NPTX2: variants seen among roughly 807,000 people sequenced by gnomAD.
NPTX2 encodes the protein neuronal pentraxin-2.
In NPTX2, 23 loss-of-function variants were observed where a neutral mutation model predicts 38.1. That is an observed-to-expected ratio of 0.60 (90% CI 0.43 to 0.85). The LOEUF is 0.85. Among genes scored for constraint, NPTX2 ranks in the 40% least tolerant of loss-of-function variants. NPTX2 has a pLI of 0.00. For synonymous variants in NPTX2, 291 were observed against 287.3 expected, an observed-to-expected ratio of 1.01 and a Z score of -0.13; for missense variants, 553 against 615.3, an observed-to-expected ratio of 0.90 and a Z score of 1.07.
intron 3 of NPTX2, among the ~76,000 whole-genome samples, chr7:98,625,624 A>C (rs1791335840): frequency 6.6e-6 from 1 of 152,172 alleles, no homozygotes; most frequent in South Asian, 2.1e-4. Flanking sequence ...TTAATGTACA[A>C]TTCAGGAAGT....
chr7:98,628,116 G>A (rs756540064), intron 4 of NPTX2, among the ~76,000 whole-genome samples: 3 of 152,092 alleles, frequency 2.0e-5, no homozygotes, highest in Admixed American at 6.5e-5. Context: ...CTACATCTCC[G>A]CTGGGAGGGG....
rs1376248081 is a variant in NPTX2 at position 98,617,795 on chromosome 7, A to G, written c.334A>G (p.Thr112Ala). Reference sequence around the variant, plus strand: ...CGGCGCGGGGGCCACGGGCAAGGACACTATGGGCGACCTGCCGCGGGACCC... The same window carrying G: ...CGGCGCGGGGGCCACGGGCAAGGACGCTATGGGCGACCTGCCGCGGGACCC... ...ARGAGATGKD[T>A]MGDLPRDPGH... is the part of the protein sequence containing the mutation. Residue 112 changes from threonine to alanine, a missense_variant, in exon 1 of 5, where the codon ACT (threonine) becomes GCT (alanine). Thr to Ala is a moderately conservative substitution (Grantham distance 58, BLOSUM62 0). Transcript: ENST00000265634. 1 of 1,525,468 alleles carries G rather than the reference A, an allele frequency of 6.6e-7. No individual in the cohort carries two copies. Among genetic ancestry groups the G allele is most frequent in the Non-Finnish European group, 8.7e-7 (1 of 1,143,814 alleles). 94.5% of individuals were successfully genotyped at this position (1,525,468 alleles called of 1,614,324 possible). A position where few individuals can be genotyped will look rare whatever the true frequency, so the allele number is the denominator to read the frequency against.
Position 98,617,586 on chromosome 7 carries a change from C to A in NPTX2, c.125C>A (p.Pro42Gln). The change falls in exon 1 of 5, where the codon CCG (proline) becomes CAG (glutamine). Residue 42 changes from proline (P) to glutamine (Q), a missense_variant. Physicochemically the swap from Pro to Gln is moderately conservative, Grantham distance 76. Transcript: ENST00000265634. ...CCAGAGGCGGTGCACGCCGGCTGCC[C>A]GCTGCCCGCGATGCCCATGCAGGGC... is the stretch of plus-strand genomic sequence containing the variant. ...LPPEAVHAGC[P>Q]LPAMPMQGGA... is the part of the protein sequence containing the mutation. The A allele has an allele frequency of 6.7e-7, 1 of 1,483,648 alleles. No homozygotes were observed. The allele number at this position is 1,483,648 out of a possible 1,614,324, so 91.9% of individuals were successfully genotyped here. A position where few individuals can be genotyped will look rare whatever the true frequency, so the allele number is the denominator to read the frequency against.
intron 2 of NPTX2, among the ~76,000 whole-genome samples, chr7:98,620,597 A>C (rs1562849529): frequency 6.6e-6 from 1 of 152,056 alleles, no homozygotes. Context: ...TAGATTCTTG[A>C]GTTTCCAAAA....
rs115723379 is a variant in NPTX2, at chr7:98,627,372, A to G, written c.1068+28A>G. 5,542 of 1,603,096 alleles carry G rather than the reference A, an allele frequency of 3.5e-3. 133 individuals carry two copies. In the African/African-American group the frequency reaches 0.056, roughly 16 times the overall value. On this transcript the variant is annotated intron_variant, in intron 4 of 4. Coordinates refer to ENST00000265634, the MANE Select transcript of NPTX2 (RefSeq NM_002523.3). Reference sequence around the variant, plus strand: ...GGGTGCAGGGCAGGTGCAGGTGGGCACAGGGTGGGTGCAGGATGGGCACAG... The same window carrying G: ...GGGTGCAGGGCAGGTGCAGGTGGGCGCAGGGTGGGTGCAGGATGGGCACAG...
intron 2 of NPTX2, among the ~76,000 whole-genome samples, chr7:98,621,941 C>T (rs1479056788): frequency 1.3e-5 from 2 of 152,204 alleles, no homozygotes; most frequent in African/African-American, 4.8e-5. Context: ...AGCCCTGCTG[C>T]GTCGGAGGCT....
Position 98,628,708 on chromosome 7 carries a change from C to T in NPTX2, c.*79C>T. 3.1e-6 allele frequency: 2 copies of T among 653,610 alleles called. No homozygotes were observed. The highest frequency in any genetic ancestry group is 5.3e-6 in the Non-Finnish European group (2 of 379,382). The allele number at this position is 653,610 out of a possible 1,614,324, so 40.5% of individuals were successfully genotyped here. A position where few individuals can be genotyped will look rare whatever the true frequency, so the allele number is the denominator to read the frequency against. On this transcript the variant is annotated 3_prime_UTR_variant, in exon 5 of 5. Transcript: ENST00000265634. The stretch of plus-strand genomic sequence containing the variant: ...AGGGCCATAGACTGCCCCACTTAAA[C>T]TCTTGTCAGTCTGGGCTCAGGGTTC...
chr7:98,620,846 G>A (rs1341539088), intron 2 of NPTX2, among the ~76,000 whole-genome samples: 2 of 152,178 alleles, frequency 1.3e-5, no homozygotes, highest in Admixed American at 1.3e-4. Context: ...AACGAGAGGA[G>A]GGCTCCATGA....
chr7:98,621,585 T>C (rs1164576105), intron 2 of NPTX2, among the ~76,000 whole-genome samples: 4 of 152,214 alleles, frequency 2.6e-5, no homozygotes, highest in African/African-American at 9.6e-5. Flanking sequence ...ACATGTACTA[T>C]GATTGGAAAC....
Position 98,628,708 on chromosome 7 carries a change from C to A in NPTX2, c.*79C>A. 1.5e-6 allele frequency: 1 copy of A among 653,610 alleles called. No individual in the cohort carries two copies. Among genetic ancestry groups the A allele is most frequent in the South Asian group, 2.2e-5 (1 of 46,334 alleles). The allele number at this position is 653,610 out of a possible 1,614,324, so 40.5% of individuals were successfully genotyped here. ...AGGGCCATAGACTGCCCCACTTAAA[C>A]TCTTGTCAGTCTGGGCTCAGGGTTC... On this transcript the variant is annotated 3_prime_UTR_variant, in exon 5 of 5. Coordinates refer to ENST00000265634, the MANE Select transcript of NPTX2 (RefSeq NM_002523.3).
At position 98,619,845 on chromosome 7, in the gene NPTX2, C is replaced by G. The variant is rs770355969; in HGVS notation, c.629C>G (p.Thr210Ser). The G allele has an allele frequency of 3.7e-6, 6 of 1,613,714 alleles. No individual in the cohort carries two copies. The highest frequency in any genetic ancestry group is 5.1e-6 in the Non-Finnish European group (6 of 1,180,004). ...CTGAACGCGCTGCTGCAGAGGGTCACCGAGCTGGAGCGAGGTGTGTGCCTG... is the reference window on the plus strand; with the variant it reads ...CTGAACGCGCTGCTGCAGAGGGTCAGCGAGCTGGAGCGAGGTGTGTGCCTG... Reference protein sequence around the residue: ...STLNALLQRVTELERGNSAFK... With the variant: ...STLNALLQRVSELERGNSAFK... Residue 210 changes from threonine (T) to serine (S), a missense_variant, in exon 2 of 5, where the codon ACC (threonine) becomes AGC (serine). Transcript: ENST00000265634.
At chr7:98,624,394 A>G (rs1791312513) in intron 2 of NPTX2, among the ~76,000 whole-genome samples, 1 of 152,118 alleles carries the variant, frequency 6.6e-6, no homozygotes, top group South Asian at 2.1e-4. Flanking sequence ...CACCCATCCA[A>G]GAGCTTTTTT....
rs2115640283 is a variant in NPTX2, at chr7:98,628,978, C to T, written c.*349C>T. 4.7e-6 allele frequency: 1 copy of T among 211,028 alleles called. No homozygotes were observed. The highest frequency in any genetic ancestry group is 2.3e-5 in the African/African-American group (1 of 44,212). The allele number at this position is 211,028 out of a possible 1,614,324, so 13.1% of individuals were successfully genotyped here. ...ATCGCAGCCTGAGTCCTGCCGCCTT[C>T]CAGTTCCTTGGTGTCCCGTGCACCC... On this transcript the variant is annotated 3_prime_UTR_variant, in exon 5 of 5. Coordinates refer to ENST00000265634, the MANE Select transcript of NPTX2 (RefSeq NM_002523.3).
rs534108400 is a variant in NPTX2, at chr7:98,624,990, G to T, written c.712G>T (p.Gly238Cys). The T allele has an allele frequency of 6.2e-7, 1 of 1,613,918 alleles. No individual in the cohort carries two copies. The highest frequency in any genetic ancestry group is 2.2e-5 in the East Asian group (1 of 44,870). Reference protein sequence around the residue: ...SLPLRTNYLYGKIKKTLPELY... With the variant: ...SLPLRTNYLYCKIKKTLPELY... ...CCCACTCCGCACAAACTACCTATACGGCAAGATCAAGAAGACGCTGCCTGA... is the reference window on the plus strand; with the variant it reads ...CCCACTCCGCACAAACTACCTATACTGCAAGATCAAGAAGACGCTGCCTGA... Residue 238 changes from glycine to cysteine, a missense_variant, in exon 3 of 5, where the codon GGC (glycine) becomes TGC (cysteine). Physicochemically the swap from Gly to Cys is radical, Grantham distance 159 (BLOSUM62 -3). Coordinates refer to ENST00000265634, the MANE Select transcript of NPTX2 (RefSeq NM_002523.3).
rs1451112166 is a variant in NPTX2, at chr7:98,628,719, C to G, written c.*90C>G. On this transcript the variant is annotated 3_prime_UTR_variant, in exon 5 of 5. Transcript: ENST00000265634. ...CTGCCCCACTTAAACTCTTGTCAGTCTGGGCTCAGGGTTCCCAGAGCTCAT... is the reference window on the plus strand; with the variant it reads ...CTGCCCCACTTAAACTCTTGTCAGTGTGGGCTCAGGGTTCCCAGAGCTCAT... 3.2e-6 allele frequency: 2 copies of G among 627,740 alleles called. No individual in the cohort carries two copies. Among genetic ancestry groups the G allele is most frequent in the Non-Finnish European group, 5.6e-6 (2 of 359,302 alleles). The allele number at this position is 627,740 out of a possible 1,614,324, so 38.9% of individuals were successfully genotyped here. A position where few individuals can be genotyped will look rare whatever the true frequency, so the allele number is the denominator to read the frequency against.
rs574102944 is a variant in NPTX2 at position 98,617,537 on chromosome 7, C to A, written c.76C>A (p.Arg26Ser). 1.1e-5 allele frequency: 15 copies of A among 1,426,894 alleles called. No individual in the cohort carries two copies. In the South Asian group the frequency reaches 2.1e-4, roughly 20 times the overall value. 88.4% of individuals were successfully genotyped at this position (1,426,894 alleles called of 1,614,324 possible). The stretch of plus-strand genomic sequence containing the variant: ...CCAGGACAGCCCGGCGCCCGGTAGC[C>A]GCTTCGTGTGCACGGCACTGCCCCC... ...GAQDSPAPGS[R>S]FVCTALPPEA... Residue 26 changes from arginine (R) to serine (S), a missense_variant, in exon 1 of 5, where the codon CGC becomes AGC. By Grantham distance (110) the Arg-to-Ser change is moderately radical. Coordinates refer to ENST00000265634, the MANE Select transcript of NPTX2 (RefSeq NM_002523.3).
chr7:98,617,427 G>A lies in NPTX2; in HGVS notation c.-35G>A. Reference sequence around the variant, plus strand: ...CGGAGCGCCCCGACGGCGCCCGCTCGCCCATGCCGAGCTGAGCGCGGCAGC... The same window carrying A: ...CGGAGCGCCCCGACGGCGCCCGCTCACCCATGCCGAGCTGAGCGCGGCAGC... On this transcript the variant is annotated 5_prime_UTR_variant, in exon 1 of 5. Coordinates refer to ENST00000265634, the MANE Select transcript of NPTX2 (RefSeq NM_002523.3). The A allele has an allele frequency of 4.0e-6, 3 of 755,066 alleles. No individual in the cohort carries two copies. Among genetic ancestry groups the A allele is most frequent in the African/African-American group, 1.8e-5 (1 of 54,156 alleles). The allele number at this position is 755,066 out of a possible 1,614,324, so 46.8% of individuals were successfully genotyped here. A position where few individuals can be genotyped will look rare whatever the true frequency, so the allele number is the denominator to read the frequency against.
intron 1 of NPTX2, among the ~76,000 whole-genome samples, chr7:98,618,776 T>TGG (rs1393714371): frequency 6.6e-6 from 1 of 152,038 alleles, no homozygotes. Flanking sequence ...AAAACTAGGT[T>TGG]TAAATTACAG....
rs1233437312 is a variant in NPTX2 at position 98,628,764 on chromosome 7, C to G, written c.*135C>G. The G allele has an allele frequency of 1.8e-6, 1 of 549,110 alleles. No individual in the cohort carries two copies. The highest frequency in any genetic ancestry group is 3.3e-6 in the Non-Finnish European group (1 of 307,682). The allele number at this position is 549,110 out of a possible 1,614,324, so 34.0% of individuals were successfully genotyped here. On this transcript the variant is annotated 3_prime_UTR_variant, in exon 5 of 5. Coordinates refer to ENST00000265634, the MANE Select transcript of NPTX2 (RefSeq NM_002523.3). ...GCTCATTCCCCAGGAATCTCTAAGA[C>G]CAGGGCTGGGGCAGTGTCTGTCACT... is the stretch of plus-strand genomic sequence containing the variant.
Sources: allele counts gnomAD v4.1 joint callset (sites outside exome capture counted in the v4.1 genomes callset), GRCh38; gene constraint gnomAD v4.1.1; transcripts MANE v1.5; gene names NCBI Gene and HGNC (gene_info 2026-07-23, HGNC 2026-07-21).